Variants in RSPH3 observed in about 807,000 individuals in gnomAD.
The protein encoded by RSPH3 is radial spoke head protein 3 homolog.
Under a neutral mutation model 43.8 loss-of-function variants are expected in RSPH3, and 21 were observed. That is an observed-to-expected ratio of 0.48 (90% CI 0.34 to 0.69). RSPH3 has a LOEUF of 0.69. RSPH3 is among the 30% of genes least tolerant of loss of function. The pLI is 0.01. For synonymous variants in RSPH3, 173 were observed against 179.8 expected (o/e 0.96, Z 0.30); for missense variants, 487 against 516.0 (o/e 0.94, Z 0.54).
intron 2 of RSPH3, 46 bp from the exon 3 acceptor site, chr6:158,986,467 A>T: frequency 6.5e-7 from 1 of 1,541,032 alleles, no homozygotes. Context: ...AATATTTATT[A>T]AAGCATACAG....
chr6:158,994,304 T>G (rs1223427256), intron 1 of RSPH3, among the ~76,000 whole-genome samples: 2 of 152,226 alleles, frequency 1.3e-5, no homozygotes, highest in East Asian at 3.8e-4. Flanking sequence ...AAAAGGAGCC[T>G]TCTTTAAAGT....
At chr6:158,964,819 T>G in the RSPH3 span, among the ~76,000 whole-genome samples, 1,228 of 152,306 alleles carry the variant, frequency 8.1e-3, 14 homozygotes, top group African/African-American at 0.028. Context: ...TAAATTTTGA[T>G]GAAATCCAAT....
intron 1 of RSPH3, among the ~76,000 whole-genome samples, chr6:158,994,285 T>G (rs113174076): frequency 0.018 from 2,705 of 152,260 alleles, 33 homozygotes; most frequent in Middle Eastern, 0.024. Context: ...TATGAAAATG[T>G]CCCATTTGAA....
chr6:158,986,148 C>G (rs1393205230), intron 3 of RSPH3, 132 bp downstream of exon 3: 25 of 879,066 alleles, frequency 2.8e-5, no homozygotes, highest in Non-Finnish European at 4.2e-5. Flanking sequence ...AAGGAACTTC[C>G]CTACCATGTG....
intron 2 of RSPH3, among the ~76,000 whole-genome samples, chr6:158,992,632 G>A (rs1176722417): frequency 2.0e-5 from 3 of 152,132 alleles, no homozygotes; most frequent in Non-Finnish European, 4.4e-5. Flanking sequence ...ATGTTATGGT[G>A]TTCGGCAGGT....
the RSPH3 span, among the ~76,000 whole-genome samples, chr6:158,963,151 A>G: frequency 2.0e-5 from 3 of 152,266 alleles, no homozygotes; most frequent in African/African-American, 7.2e-5. Context: ...AACAGAAAAT[A>G]AAATTATATT....
chr6:158,963,102 T>G, the RSPH3 span, among the ~76,000 whole-genome samples: 1 of 151,990 alleles, frequency 6.6e-6, no homozygotes, highest in Non-Finnish European at 1.5e-5. Flanking sequence ...TAAGGAATAC[T>G]GAATAATATG....
rs200036002 is a variant in RSPH3 at position 158,993,866 on chromosome 6, G to A, written c.177C>T (p.Asn59=). The A allele has an allele frequency of 2.0e-5, 32 of 1,609,966 alleles. No homozygotes were observed. The highest frequency in any genetic ancestry group is 2.5e-5 in the Non-Finnish European group (30 of 1,176,598). The change falls in exon 2 of 8, where the codon AAC becomes AAT. Residue 59 remains asparagine, a synonymous_variant. Transcript: ENST00000367069. ...IMYDRRVIRG[N]TYALQTGPLL... is the part of the protein sequence containing the mutation. ...GTGGCCCTGTCTGGAGTGCATAAGT[G>A]TTACCTCGAATTACCCTTCTGTCAT...
chr6:158,981,044 C>G, intron 5 of RSPH3, 108 bp from the exon 6 acceptor site: 3 of 1,031,306 alleles, frequency 2.9e-6, no homozygotes, highest in Non-Finnish European at 4.3e-6. Context: ...AAATGGACAG[C>G]GAGGTGTCTA....
chr6:158,983,941 C>T, intron 3 of RSPH3, 134 bp from the exon 4 acceptor site: 2 of 637,374 alleles, frequency 3.1e-6, no homozygotes, highest in South Asian at 1.8e-5. Flanking sequence ...TGAGACCAGC[C>T]TGGCCAACAT....
Position 158,973,332 on chromosome 6 carries a change from T to C in RSPH3, c.*4206A>G, listed in dbSNP as rs1196424737. On this transcript the variant is annotated 3_prime_UTR_variant, in exon 8 of 8. Transcript: ENST00000367069. ...ATATAGTTGTTATGTTTCAACAACA[T>C]AAAATGAAATGTTTCTAGGATAGAA... 6.6e-6 allele frequency: 1 copy of C among 152,118 alleles called. No homozygotes were observed. Among genetic ancestry groups the C allele is most frequent in the African/African-American group, 2.4e-5 (1 of 41,430 alleles). 9.4% of individuals were successfully genotyped at this position (152,118 alleles called of 1,614,324 possible). A position where few individuals can be genotyped will look rare whatever the true frequency, so the allele number is the denominator to read the frequency against.
the RSPH3 span, among the ~76,000 whole-genome samples, chr6:158,966,209 C>G: frequency 6.6e-6 from 1 of 151,956 alleles, no homozygotes; most frequent in Non-Finnish European, 1.5e-5. Flanking sequence ...CTTGGTCATC[C>G]TTTTCGTATG....
intron 1 of RSPH3, 38 bp downstream of exon 1, chr6:158,999,397 C>CA: frequency 1.4e-6 from 2 of 1,468,194 alleles, no homozygotes; most frequent in Non-Finnish European, 1.8e-6. Flanking sequence ...GGATGGGGTG[C>CA]AAGTATGGAC....
In RSPH3 at chr6:158,982,428, C is replaced by T. The variant is rs1350110074; in HGVS notation, c.696+57G>A. On this transcript the variant is annotated intron_variant, in intron 5 of 7. Coordinates refer to ENST00000367069, the MANE Select transcript of RSPH3 (RefSeq NM_031924.8). ...ATATATCATCACATGTAATTTTGAA[C>T]ATAATATGCTAACTAGCCAAAAGAC... 2.7e-6 allele frequency: 3 copies of T among 1,091,086 alleles called. No homozygotes were observed. The African/African-American group carries it at 4.8e-5, about 17-fold the overall frequency. 67.6% of individuals were successfully genotyped at this position (1,091,086 alleles called of 1,614,324 possible). A position where few individuals can be genotyped will look rare whatever the true frequency, so the allele number is the denominator to read the frequency against.
At chr6:158,979,771 C>T (rs777991543) in intron 6 of RSPH3, among the ~76,000 whole-genome samples, 25 of 152,154 alleles carry the variant, frequency 1.6e-4, no homozygotes, top group African/African-American at 5.6e-4. Flanking sequence ...AGGACCTATA[C>T]ACCAAGCACG....
rs111403255 is a variant in RSPH3 at position 158,995,651 on chromosome 6, G to A, written c.117-1725C>T. The stretch of plus-strand genomic sequence containing the variant: ...ACTCTGTCACCCAGGCTGGACTGCA[G>A]AGGTGCAATCTTGGCTCACTGCAAG... On this transcript the variant is annotated intron_variant, in intron 1 of 7. Coordinates refer to ENST00000367069, the MANE Select transcript of RSPH3 (RefSeq NM_031924.8). Among the ~76,000 whole-genome samples the A allele has an allele frequency of 4.5e-3, 686 of 152,172 alleles. 3 individuals are homozygous for A. The highest frequency in any genetic ancestry group is 0.015 in the African/African-American group (635 of 41,504).
the RSPH3 span, among the ~76,000 whole-genome samples, chr6:158,966,335 C>A: frequency 1.2e-4 from 19 of 152,274 alleles, no homozygotes; most frequent in South Asian, 1.5e-3. Flanking sequence ...TTAGGGTAAA[C>A]TGGTCTCACA....
At position 158,999,823 on chromosome 6, in the gene RSPH3, C is replaced by A. The variant is rs767979912; in HGVS notation, c.-273G>T. 3 of 1,613,742 alleles carry A rather than the reference C, an allele frequency of 1.9e-6. No individual in the cohort carries two copies. Among genetic ancestry groups the A allele is most frequent in the East Asian group, 4.5e-5 (2 of 44,842 alleles). On this transcript the variant is annotated 5_prime_UTR_variant, in exon 1 of 8. The change creates a premature stop within an existing upstream ORF in the 5' untranslated region. Coordinates refer to ENST00000367069, the MANE Select transcript of RSPH3 (RefSeq NM_031924.8). ...AGGGTTCTGTCTGGGGGCGGGAACT[C>A]CGGGCAGTTCCGGTCCCCAGGTTTC...
chr6:158,993,886 T>C lies in RSPH3; in HGVS notation c.157A>G (p.Arg53Gly), dbSNP rs200757145. 5.6e-4 allele frequency: 906 copies of C among 1,612,508 alleles called. 4 individuals carry two copies. The highest frequency in any genetic ancestry group is 3.1e-3 in the South Asian group (278 of 91,016). Residue 53 changes from arginine (R) to glycine (G), a missense_variant, in exon 2 of 8, where the codon AGA becomes GGA. By Grantham distance (125) the Arg-to-Gly change is moderately radical. Coordinates refer to ENST00000367069, the MANE Select transcript of RSPH3 (RefSeq NM_031924.8). ...TAAGTGTTACCTCGAATTACCCTTC[T>C]GTCATACATTATGTTTCCATAATGC... ...PMHYGNIMYD[R>G]RVIRGNTYAL...
Sources: allele counts gnomAD v4.1 joint callset (sites outside exome capture counted in the v4.1 genomes callset), GRCh38; gene constraint gnomAD v4.1.1; transcripts MANE v1.5; gene names NCBI Gene and HGNC (gene_info 2026-07-23, HGNC 2026-07-21).